Variants in DENND1A observed in about 807,000 individuals in gnomAD.
The protein encoded by DENND1A is DENN domain-containing protein 1A.
Under a neutral mutation model 113.7 loss-of-function variants are expected in DENND1A, and 51 were observed. The observed-to-expected ratio is 0.45, with a 90% CI of 0.36 to 0.57. The LOEUF is 0.57. Ranked by LOEUF, DENND1A falls within the 20% of genes least tolerant of loss-of-function variation. DENND1A has a pLI of 0.00. For missense variants in DENND1A, 1,258 were observed against 1,395.9 expected (o/e 0.90, Z 1.57); for synonymous variants, 565 against 570.8 (o/e 0.99, Z 0.14).
intron 10 of DENND1A, among the ~76,000 whole-genome samples, chr9:123,627,518 G>T (rs1043299451): frequency 6.6e-6 from 1 of 152,186 alleles, no homozygotes; most frequent in Admixed American, 6.5e-5. Context: ...GAGGTGGGTG[G>T]ATCATGAGGT....
chr9:123,544,478 C>G (rs2135699120), intron 13 of DENND1A, among the ~76,000 whole-genome samples: 1 of 152,326 alleles, frequency 6.6e-6, no homozygotes, highest in South Asian at 2.1e-4. Flanking sequence ...GAAATGCCCT[C>G]AAATCACATG....
intron 5 of DENND1A, 126 bp downstream of exon 5, chr9:123,757,577 G>T: frequency 7.5e-7 from 1 of 1,338,916 alleles, no homozygotes; most frequent in Non-Finnish European, 1.0e-6. Flanking sequence ...CTCCCCAAAT[G>T]CAGTGACTTG....
chr9:123,831,891 GAGAA>G (rs1840275721), intron 2 of DENND1A, among the ~76,000 whole-genome samples: 1 of 152,094 alleles, frequency 6.6e-6, no homozygotes, highest in Admixed American at 6.5e-5. Flanking sequence ...GCTGAGGCAG[GAGAA>G]TCTCTTGAAC....
chr9:123,550,865 G>A (rs777865291), intron 13 of DENND1A, among the ~76,000 whole-genome samples: 7 of 152,110 alleles, frequency 4.6e-5, no homozygotes, highest in Non-Finnish European at 1.0e-4. Flanking sequence ...AAGGACCCTC[G>A]GCCTAGCAAT....
intron 10 of DENND1A, among the ~76,000 whole-genome samples, chr9:123,624,191 A>G (rs2061092662): frequency 6.6e-6 from 1 of 152,216 alleles, no homozygotes; most frequent in Non-Finnish European, 1.5e-5. Flanking sequence ...TAACATTTAA[A>G]TCATCTGCAG....
chr9:123,826,550 G>A (rs1012445441), intron 2 of DENND1A, among the ~76,000 whole-genome samples: 1 of 152,042 alleles, frequency 6.6e-6, no homozygotes, highest in African/African-American at 2.4e-5. Flanking sequence ...CAGAATACTT[G>A]TATCAAACCA....
At chr9:123,631,187 C>T (rs889035155) in intron 9 of DENND1A, among the ~76,000 whole-genome samples, 1 of 152,068 alleles carries the variant, frequency 6.6e-6, no homozygotes, top group Non-Finnish European at 1.5e-5. Flanking sequence ...ACACCCCCGA[C>T]CCCCAGCCAT....
chr9:123,702,489 G>A (rs1240294669), intron 5 of DENND1A, among the ~76,000 whole-genome samples: 1 of 152,044 alleles, frequency 6.6e-6, no homozygotes. Context: ...ATTCAAATAA[G>A]ACTACCCCAA....
rs541121463 is a variant in DENND1A at position 123,763,097 on chromosome 9, G to A, written c.183-5275C>T. ...TTCAGATTTTTTTTTTTTTTTTGGCGGTGGGGGGAGGCAATAGAATGCCAC... is the reference window on the plus strand; with the variant it reads ...TTCAGATTTTTTTTTTTTTTTTGGCAGTGGGGGGAGGCAATAGAATGCCAC... On this transcript the variant is annotated intron_variant, in intron 4 of 23. Coordinates refer to ENST00000394215, the MANE Select transcript of DENND1A (RefSeq NM_001352964.2). Among the ~76,000 whole-genome samples the A allele has an allele frequency of 3.7e-4, 55 of 150,354 alleles. No individual in the cohort carries two copies. In the South Asian group the frequency reaches 6.9e-3, roughly 19 times the overall value.
chr9:123,924,725 T>C (rs1435163291), intron 1 of DENND1A, among the ~76,000 whole-genome samples: 1 of 152,122 alleles, frequency 6.6e-6, no homozygotes, highest in Admixed American at 6.5e-5. Flanking sequence ...ACTATAAAAT[T>C]TCGTATCTTA....
chr9:123,626,914 A>G (rs2061247254), intron 10 of DENND1A, among the ~76,000 whole-genome samples: 1 of 152,218 alleles, frequency 6.6e-6, no homozygotes. Context: ...GGCTTTGGAC[A>G]GACTGCTCTT....
In DENND1A at chr9:123,557,579, T is replaced by G. The variant is rs2057491801; in HGVS notation, c.984A>C (p.Lys328Asn). Reference sequence around the variant, plus strand: ...TGCCAAGGCTACTCACCGGCTCGATTTTCAGAGCGTTTCGGTAGCTACCGA... The same window carrying G: ...TGCCAAGGCTACTCACCGGCTCGATGTTCAGAGCGTTTCGGTAGCTACCGA... ...AFFGSYRNAL[K>N]IEPEEPITFC... is the part of the protein sequence containing the mutation. Residue 328 changes from lysine (K) to asparagine (N), a missense_variant, in exon 13 of 24, where the codon AAA (lysine) becomes AAC (asparagine). Lys to Asn is a moderately conservative substitution (Grantham distance 94). Coordinates refer to ENST00000394215, the MANE Select transcript of DENND1A (RefSeq NM_001352964.2). 1 of 1,613,736 alleles carries G rather than the reference T, an allele frequency of 6.2e-7. No homozygotes were observed.
At chr9:123,542,816 C>T (rs1229488618) in intron 13 of DENND1A, among the ~76,000 whole-genome samples, 1 of 152,182 alleles carries the variant, frequency 6.6e-6, no homozygotes, top group African/African-American at 2.4e-5. Context: ...CGAACACCAC[C>T]TCTGCTGTTA....
intron 5 of DENND1A, among the ~76,000 whole-genome samples, chr9:123,734,612 T>C (rs572949516): frequency 6.6e-6 from 1 of 152,190 alleles, no homozygotes; most frequent in African/African-American, 2.4e-5. Context: ...CAGAGCTAGG[T>C]TCAAATACTG....
chr9:123,909,776 T>C (rs188172070), intron 1 of DENND1A, among the ~76,000 whole-genome samples: 48 of 152,214 alleles, frequency 3.2e-4, no homozygotes, highest in African/African-American at 1.1e-3. Flanking sequence ...CCTGACTGTA[T>C]ACATATAAAA....
intron 6 of DENND1A, among the ~76,000 whole-genome samples, chr9:123,673,649 C>T (rs188527221): frequency 2.0e-5 from 3 of 152,244 alleles, no homozygotes; most frequent in Middle Eastern, 3.4e-3. Flanking sequence ...TCAATTGAGC[C>T]AGGGAATATA....
At chr9:123,613,645 A>C (rs1341985241) in intron 10 of DENND1A, among the ~76,000 whole-genome samples, 1 of 152,214 alleles carries the variant, frequency 6.6e-6, no homozygotes, top group East Asian at 1.9e-4. Flanking sequence ...TGCAATTTTG[A>C]AGACATTTTA....
intron 5 of DENND1A, among the ~76,000 whole-genome samples, chr9:123,693,877 G>T (rs767488186): frequency 6.7e-6 from 1 of 149,762 alleles, no homozygotes; most frequent in Non-Finnish European, 1.5e-5. Context: ...CACCAGGCGG[G>T]AGTGCAGTGG....
At chr9:123,690,124 AG>A (rs1245842689) in intron 5 of DENND1A, among the ~76,000 whole-genome samples, 16 of 54,422 alleles carry the variant, frequency 2.9e-4, no homozygotes, top group African/African-American at 6.9e-4. Context: ...AAAAGGAGGG[AG>A]GGGGGAAGAA....
Sources: allele counts gnomAD v4.1 joint callset (sites outside exome capture counted in the v4.1 genomes callset), GRCh38; gene constraint gnomAD v4.1.1; transcripts MANE v1.5; gene names NCBI Gene and HGNC (gene_info 2026-07-23, HGNC 2026-07-21).